Variants in FOXN3 observed in about 807,000 individuals in gnomAD.
The protein encoded by FOXN3 is forkhead box protein N3.
In FOXN3, 7 loss-of-function variants were observed where a neutral mutation model predicts 38.4. The ratio of observed to expected loss-of-function variants is 0.18; its 90% CI spans 0.10 to 0.34. FOXN3 has a LOEUF of 0.34. Ranked by LOEUF, FOXN3 falls within the 10% of genes least tolerant of loss-of-function variation. The probability of loss-of-function intolerance (pLI) is 1.00; values close to 1 mark genes in which losing one functional copy is unlikely to be tolerated. For synonymous variants in FOXN3, 230 were observed against 242.2 expected (o/e 0.95, Z 0.47); for missense variants, 456 against 613.4 (o/e 0.74, Z 2.71).
chr14:89,581,300 A>G (rs1306985512), intron 1 of FOXN3, among the ~76,000 whole-genome samples: 1 of 151,864 alleles, frequency 6.6e-6, no homozygotes, highest in Non-Finnish European at 1.5e-5. Flanking sequence ...TGGCCAACAT[A>G]GTGAAACCCC....
Position 89,309,626 on chromosome 14 carries a change from G to A in FOXN3, c.681-28612C>T, listed in dbSNP as rs570954634. On this transcript the variant is annotated intron_variant, in intron 3 of 5. Transcript: ENST00000557258. The stretch of plus-strand genomic sequence containing the variant: ...ACTTTAGCCCAGGGGGGTCTCTGGA[G>A]TCTGCTCTCTGCCCTCTGGGTGTGC... 3.3e-4 allele frequency among the ~76,000 whole-genome samples: 51 copies of A among 152,282 alleles called. 1 individual carries two copies. Among genetic ancestry groups the A allele is most frequent in the African/African-American group, 1.2e-3 (48 of 41,548 alleles).
In FOXN3 at chr14:89,548,008, G is replaced by A. The variant is rs1176054872; in HGVS notation, c.-15+71020C>T. Among the ~76,000 whole-genome samples, 1 of 152,184 alleles carries A rather than the reference G, an allele frequency of 6.6e-6. No individual in the cohort carries two copies. Among genetic ancestry groups the A allele is most frequent in the Non-Finnish European group, 1.5e-5 (1 of 68,032 alleles). On this transcript the variant is annotated intron_variant, in intron 1 of 6. Transcript: ENST00000345097. The surrounding 1 kb of genome is among the most constrained non-coding windows in gnomAD (Gnocchi z 4.8). ...ACCCTAGGAGAGAAAGTAGGAGGTG[G>A]AAGGGGGAACTGGCAAAGGGAAAAT...
intron 2 of FOXN3, among the ~76,000 whole-genome samples, chr14:89,362,533 A>T (rs547199102): frequency 1.4e-3 from 1 of 732 alleles, no homozygotes; most frequent in African/African-American, 1.9e-3. Flanking sequence ...TACGACCACC[A>T]CCACCACCAT....
intron 1 of FOXN3, among the ~76,000 whole-genome samples, chr14:89,547,005 G>A (rs917189335): frequency 2.6e-5 from 4 of 151,548 alleles, no homozygotes; most frequent in Non-Finnish European, 4.4e-5. Context: ...GGCTGGTCTC[G>A]AACTCCTGAC....
chr14:89,345,898 C>A (rs1014780662), intron 3 of FOXN3, among the ~76,000 whole-genome samples: 26 of 152,092 alleles, frequency 1.7e-4, no homozygotes, highest in African/African-American at 6.3e-4. Context: ...CTAAAAACCA[C>A]AAAAATTAGC....
chr14:89,262,714 G>C (rs1482540093), intron 4 of FOXN3, among the ~76,000 whole-genome samples: 2 of 151,786 alleles, frequency 1.3e-5, no homozygotes, highest in Admixed American at 6.6e-5. Flanking sequence ...ATCTATGTCG[G>C]AGTATTAATA....
intron 3 of FOXN3, among the ~76,000 whole-genome samples, chr14:89,349,205 G>A (rs1566962952): frequency 6.6e-6 from 1 of 152,130 alleles, no homozygotes; most frequent in Non-Finnish European, 1.5e-5. Context: ...TCTTCCATTT[G>A]GGGAGTGGCT....
chr14:89,455,059 T>C (rs1892691324), intron 1 of FOXN3, among the ~76,000 whole-genome samples: 1 of 152,334 alleles, frequency 6.6e-6, no homozygotes, highest in South Asian at 2.1e-4. Context: ...GCCAGTGTAA[T>C]GGACACAATG....
At chr14:89,319,061 G>A (rs1278501131) in intron 3 of FOXN3, among the ~76,000 whole-genome samples, 1 of 152,210 alleles carries the variant, frequency 6.6e-6, no homozygotes, top group African/African-American at 2.4e-5. Context: ...AAAATCAATA[G>A]GATGTTGGTA....
intron 1 of FOXN3, among the ~76,000 whole-genome samples, chr14:89,581,019 CA>C (rs57120573): frequency 0.69 from 99,986 of 144,446 alleles, 37,316 homozygotes; most frequent in Non-Finnish European, 0.85. Flanking sequence ...CTCATCTCTA[CA>C]AAAAAAAAAA....
At chr14:89,571,432 C>T (rs974300879) in intron 1 of FOXN3, among the ~76,000 whole-genome samples, 4 of 151,292 alleles carry the variant, frequency 2.6e-5, no homozygotes, top group African/African-American at 9.8e-5. Flanking sequence ...TTGCTTGAAC[C>T]TGGGAGGTGG....
chr14:89,294,863 C>T (rs980279846), intron 3 of FOXN3, among the ~76,000 whole-genome samples: 2 of 152,164 alleles, frequency 1.3e-5, no homozygotes, highest in Non-Finnish European at 2.9e-5. Flanking sequence ...ATGAAGTAGC[C>T]ATCATTTTGT....
chr14:89,221,344 C>T (rs375989996), intron 4 of FOXN3, among the ~76,000 whole-genome samples: 7 of 152,266 alleles, frequency 4.6e-5, no homozygotes, highest in East Asian at 3.9e-4. Context: ...TGTATCACCA[C>T]GGCAGAAAAG....
At chr14:89,259,161 T>C (rs1885719592) in intron 4 of FOXN3, among the ~76,000 whole-genome samples, 1 of 152,236 alleles carries the variant, frequency 6.6e-6, no homozygotes, top group Non-Finnish European at 1.5e-5. Context: ...GACTTCTACA[T>C]CTCTGTTGCA....
In FOXN3 at chr14:89,486,077, T is replaced by A. The variant is rs546363343; in HGVS notation, c.-14-73587A>T. On this transcript the variant is annotated intron_variant, in intron 1 of 6. Transcript: ENST00000345097. Reference sequence around the variant, plus strand: ...CCATTTTCTTATGAGTGAGTCAACTTTGCCTAAACTGTGGGCTCCCTGAGG... The same window carrying A: ...CCATTTTCTTATGAGTGAGTCAACTATGCCTAAACTGTGGGCTCCCTGAGG... Among the ~76,000 whole-genome samples, 37 of 152,308 alleles carry A rather than the reference T, an allele frequency of 2.4e-4. No homozygotes were observed. In the East Asian group the frequency reaches 6.4e-3, roughly 26 times the overall value.
chr14:89,165,675 G>A (rs1000746909), intron 5 of FOXN3, among the ~76,000 whole-genome samples: 1 of 152,196 alleles, frequency 6.6e-6, no homozygotes, highest in Non-Finnish European at 1.5e-5. Flanking sequence ...GTCACCAAAT[G>A]TGAAACTTGG....
chr14:89,486,048 T>C lies in FOXN3; in HGVS notation c.-14-73558A>G, dbSNP rs531243730. Reference sequence around the variant, plus strand: ...AGCCCTGGCCCTATGCTCAGCACCATCTGCCATTTTCTTATGAGTGAGTCA... The same window carrying C: ...AGCCCTGGCCCTATGCTCAGCACCACCTGCCATTTTCTTATGAGTGAGTCA... On this transcript the variant is annotated intron_variant, in intron 1 of 6. Transcript: ENST00000345097. 1.3e-4 allele frequency among the ~76,000 whole-genome samples: 20 copies of C among 152,276 alleles called. No individual in the cohort carries two copies. The South Asian group carries it at 2.1e-3, about 16-fold the overall frequency.
intron 1 of FOXN3, among the ~76,000 whole-genome samples, chr14:89,502,374 A>G (rs1489742857): frequency 1.3e-5 from 2 of 152,220 alleles, no homozygotes; most frequent in African/African-American, 4.8e-5. Context: ...TTTAAAAAAA[A>G]TATTTGAAGC....
intron 1 of FOXN3, among the ~76,000 whole-genome samples, chr14:89,524,777 T>C (rs181655722): frequency 4.3e-4 from 65 of 152,292 alleles, no homozygotes; most frequent in Middle Eastern, 3.4e-3. Context: ...ATTAAAGAAA[T>C]TGAATTTGTA....
Sources: gnomAD v4.1 joint callset for allele counts (sites outside exome capture counted in the v4.1 genomes callset) on GRCh38, gnomAD v4.1.1 for gene constraint, Gnocchi (gnomAD v3.1) non-coding constraint, MANE v1.5 for transcripts, NCBI Gene and HGNC (gene_info 2026-07-23, HGNC 2026-07-21) for gene names.